The following FARSA variants were observed in gnomAD, a reference collection of about 807,000 sequenced individuals.
FARSA encodes the protein phenylalanyl-tRNA synthetase subunit alpha, also known as phenylalanine--tRNA ligase alpha subunit.
Under a neutral mutation model 63.2 loss-of-function variants are expected in FARSA, and 37 were observed. The ratio of observed to expected loss-of-function variants is 0.59; its 90% confidence interval spans 0.45 to 0.77. The LOEUF (loss-of-function observed/expected upper bound fraction) is 0.77, where lower values mean the gene tolerates loss of function less well. Ranked by LOEUF, FARSA falls within the 30% of genes least tolerant of loss-of-function variation. The pLI is 0.00. For missense variants in FARSA, 618 were observed against 696.6 expected, an observed-to-expected ratio of 0.89 and a Z score of 1.27; for synonymous variants, 312 against 285.1, an observed-to-expected ratio of 1.09 and a Z score of -0.95.
rs1050369889 is a variant in FARSA at position 12,927,503 on chromosome 19, C to T, written c.841+839G>A. On this transcript the variant is annotated intron_variant, in intron 7 of 12. Coordinates refer to ENST00000314606, the MANE Select transcript of FARSA (RefSeq NM_004461.3). ...ATCCTAGCACTTTGGGAGGCTGAGG[C>T]GGGAGTATCACTTGAGGTCAGGAGT... Among the ~76,000 whole-genome samples, 11 of 152,084 alleles carry T rather than the reference C, an allele frequency of 7.2e-5. 1 individual carries two copies. Among genetic ancestry groups the T allele is most frequent in the East Asian group, 3.9e-4 (2 of 5,162 alleles).
rs1446639467 is a variant in FARSA at position 12,933,679 on chromosome 19, C to G, written c.18G>C (p.Val6=). ...CCAGCCGCCGGAGCAGCAGTTCCGCCACCTGACCATCCGCCATGACTCCTT... is the reference window on the plus strand; with the variant it reads ...CCAGCCGCCGGAGCAGCAGTTCCGCGACCTGACCATCCGCCATGACTCCTT... MADGQ[V]AELLLRRLEA... is the part of the protein sequence containing the mutation. The change falls in exon 1 of 13, where the codon GTG becomes GTC. Residue 6 remains valine (V), a synonymous_variant. Coordinates refer to ENST00000314606, the MANE Select transcript of FARSA (RefSeq NM_004461.3). The G allele has an allele frequency of 1.3e-6, 2 of 1,570,820 alleles. No individual in the cohort carries two copies. The highest frequency in any genetic ancestry group is 1.7e-6 in the Non-Finnish European group (2 of 1,162,434).
chr19:12,928,423 T>C lies in FARSA; in HGVS notation c.760A>G (p.Ser254Gly). The change falls in exon 7 of 13, where the codon AGC (serine) becomes GGC (glycine). Residue 254 changes from serine to glycine, a missense_variant. Ser to Gly is a moderately conservative substitution (Grantham distance 56). Transcript: ENST00000314606. The part of the protein sequence containing the change: ...TEMPTDNFIE[S>G]SFWNFDALFQ... ...AGGGCGTCAAAGTTCCAGAAGGAGCTCTCAATGAAGTTATCAGTCGGCATC... is the reference window on the plus strand; with the variant it reads ...AGGGCGTCAAAGTTCCAGAAGGAGCCCTCAATGAAGTTATCAGTCGGCATC... 6.2e-7 allele frequency: 1 copy of C among 1,613,736 alleles called. No homozygotes were observed. Among genetic ancestry groups the C allele is most frequent in the Non-Finnish European group, 8.5e-7 (1 of 1,179,954 alleles).
chr19:12,924,282 GAA>G lies in FARSA; in HGVS notation c.1274-19_1274-18del. The G allele has an allele frequency of 6.2e-7, 1 of 1,607,854 alleles. No individual in the cohort carries two copies. The highest frequency in any genetic ancestry group is 1.1e-5 in the South Asian group (1 of 90,962). Reference sequence around the variant, plus strand: ...TCTTCAGGCCTGCAGAGGCAGGACAGAAAAGACGGGCAGTGCGTGTTGAGTTT... The same window carrying G: ...TCTTCAGGCCTGCAGAGGCAGGACAGAAGACGGGCAGTGCGTGTTGAGTTT... On this transcript the variant is annotated intron_variant, in intron 11 of 12. Transcript: ENST00000314606. This position sits in a 1 kb window ranked among gnomAD's most constrained non-coding sequence, Gnocchi z 6.4.
In FARSA at chr19:12,922,905, G is replaced by C; in HGVS notation, c.1389-19C>G. The C allele has an allele frequency of 6.2e-7, 1 of 1,614,006 alleles. No individual in the cohort carries two copies. The highest frequency in any genetic ancestry group is 8.5e-7 in the Non-Finnish European group (1 of 1,179,954). On this transcript the variant is annotated intron_variant, in intron 12 of 12. Coordinates refer to ENST00000314606, the MANE Select transcript of FARSA (RefSeq NM_004461.3). ...CGTTGGGCTTGTGGGGGAGGGAACA[G>C]AGTTTATCATGAGGTCAGCACGTGC...
rs373455085 is a variant in FARSA, at chr19:12,933,663, G to A, written c.34C>T (p.Arg12Trp). The A allele has an allele frequency of 7.0e-6, 11 of 1,570,288 alleles. No individual in the cohort carries two copies. The African/African-American group carries it at 1.1e-4, about 15-fold the overall frequency. ...CCGCCATCAGACGCCTCCAGCCGCCGGAGCAGCAGTTCCGCCACCTGACCA... is the reference window on the plus strand; with the variant it reads ...CCGCCATCAGACGCCTCCAGCCGCCAGAGCAGCAGTTCCGCCACCTGACCA... ...ADGQVAELLL[R>W]RLEASDGGLD... Residue 12 changes from arginine to tryptophan, a missense_variant, in exon 1 of 13, where the codon CGG becomes TGG. Physicochemically the swap from Arg to Trp is moderately radical, Grantham distance 101. Transcript: ENST00000314606.
chr19:12,928,286 C>T (rs769954623), intron 7 of FARSA, 56 bp downstream of exon 7: 11 of 1,415,304 alleles, frequency 7.8e-6, no homozygotes, highest in African/African-American at 1.4e-5. Flanking sequence ...CCTGTAAAGG[C>T]TCCGCCGTGG....
chr19:12,924,687 T>C lies in FARSA; in HGVS notation c.1147A>G (p.Thr383Ala). The change falls in exon 10 of 13, where the codon ACC becomes GCC. Residue 383 changes from threonine (T) to alanine (A), a missense_variant. Thr to Ala is a moderately conservative substitution (Grantham distance 58). Transcript: ENST00000314606. The surrounding 1 kb of genome is among the most constrained non-coding windows in gnomAD (Gnocchi z 6.4). ...AGAACGCCCATGAGGTGGCCCAAGG[T>C]GAGACCATGATCCGCCACCACGCCC... ...IEGVVADHGL[T>A]LGHLMGVLRE... is the part of the protein sequence containing the mutation. The C allele has an allele frequency of 6.3e-7, 1 of 1,592,194 alleles. No individual in the cohort carries two copies. Among genetic ancestry groups the C allele is most frequent in the Non-Finnish European group, 8.6e-7 (1 of 1,166,764 alleles).
Position 12,922,590 on chromosome 19 carries a change from C to T in FARSA, c.*158G>A, listed in dbSNP as rs528447648. The T allele has an allele frequency of 6.7e-5, 59 of 880,414 alleles. No homozygotes were observed. In the African/African-American group the frequency reaches 6.7e-4, roughly 10 times the overall value. 54.5% of individuals were successfully genotyped at this position (880,414 alleles called of 1,614,324 possible). A position where few individuals can be genotyped will look rare whatever the true frequency, so the allele number is the denominator to read the frequency against. ...CAACAGAAGGAACCTGCTACCCAGT[C>T]CTCTGTCCCTGGGATTCTGGTCCTG... On this transcript the variant is annotated 3_prime_UTR_variant, in exon 13 of 13. Coordinates refer to ENST00000314606, the MANE Select transcript of FARSA (RefSeq NM_004461.3).
chr19:12,931,532 A>C (rs1971395771), intron 1 of FARSA, among the ~76,000 whole-genome samples: 1 of 152,126 alleles, frequency 6.6e-6, no homozygotes, highest in African/African-American at 2.4e-5. Context: ...AAGTGCTAGG[A>C]TTACAGGCGT....
Position 12,933,688 on chromosome 19 carries a change from A to C in FARSA, c.9T>G (p.Asp3Glu). 6.4e-7 allele frequency: 1 copy of C among 1,569,164 alleles called. No homozygotes were observed. Among genetic ancestry groups the C allele is most frequent in the Non-Finnish European group, 8.6e-7 (1 of 1,161,670 alleles). Reference sequence around the variant, plus strand: ...GGAGCAGCAGTTCCGCCACCTGACCATCCGCCATGACTCCTTCCAGTGTGC... The same window carrying C: ...GGAGCAGCAGTTCCGCCACCTGACCCTCCGCCATGACTCCTTCCAGTGTGC... The part of the protein sequence containing the change: MA[D>E]GQVAELLLRR... The change falls in exon 1 of 13, where the codon GAT (aspartate) becomes GAG (glutamate). Residue 3 changes from aspartate to glutamate, a missense_variant. Coordinates refer to ENST00000314606, the MANE Select transcript of FARSA (RefSeq NM_004461.3).
At chr19:12,931,199 G>A (rs1048862108) in intron 1 of FARSA, among the ~76,000 whole-genome samples, 7 of 152,124 alleles carry the variant, frequency 4.6e-5, no homozygotes, top group Non-Finnish European at 8.8e-5. Flanking sequence ...GGGCTCAAGC[G>A]ATCCTTCCGC....
rs751217008 is a variant in FARSA at position 12,924,241 on chromosome 19, C to A, written c.1298G>T (p.Gly433Val). ...CTCTGGACGGAAGACCCCCGAGTTTCCGACCTCCACCCACTTCTTCAGGCC... is the reference window on the plus strand; with the variant it reads ...CTCTGGACGGAAGACCCCCGAGTTTACGACCTCCACCCACTTCTTCAGGCC... ...HQGLKKWVEV[G>V]NSGVFRPEML... The change falls in exon 12 of 13, where the codon GGA (glycine) becomes GTA (valine). Residue 433 changes from glycine to valine, a missense_variant. Physicochemically the swap from Gly to Val is moderately radical, Grantham distance 109. Coordinates refer to ENST00000314606, the MANE Select transcript of FARSA (RefSeq NM_004461.3). This position sits in a 1 kb window ranked among gnomAD's most constrained non-coding sequence, Gnocchi z 6.4. 1 of 1,614,162 alleles carries A rather than the reference C, an allele frequency of 6.2e-7. No individual in the cohort carries two copies. The highest frequency in any genetic ancestry group is 8.5e-7 in the Non-Finnish European group (1 of 1,180,036).
At chr19:12,925,850 T>G (rs1421529786) in intron 7 of FARSA, among the ~76,000 whole-genome samples, 1 of 152,048 alleles carries the variant, frequency 6.6e-6, no homozygotes, top group Non-Finnish European at 1.5e-5. Flanking sequence ...ATTTTTTATA[T>G]TTGGTAGACG....
chr19:12,929,811 C>T (rs1482884198), intron 4 of FARSA, among the ~76,000 whole-genome samples: 1 of 152,154 alleles, frequency 6.6e-6, no homozygotes, highest in East Asian at 1.9e-4. Flanking sequence ...GAGGACGGCC[C>T]CTAGCCCATC....
At chr19:12,926,477 G>A (rs1340269098) in intron 7 of FARSA, among the ~76,000 whole-genome samples, 2 of 150,638 alleles carry the variant, frequency 1.3e-5, no homozygotes, top group Non-Finnish European at 3.0e-5. Context: ...GTTTCACTGT[G>A]TTATCCAGGA....
rs1024190533 is a variant in FARSA, at chr19:12,924,879, G to A, written c.1026+25C>T. On this transcript the variant is annotated intron_variant, in intron 9 of 12. Coordinates refer to ENST00000314606, the MANE Select transcript of FARSA (RefSeq NM_004461.3). This position sits in a 1 kb window ranked among gnomAD's most constrained non-coding sequence, Gnocchi z 6.4. Reference sequence around the variant, plus strand: ...CTTTGACAGCACCCTCTCCCCACTGGGGCCCCCGCCTGGGCCAACCGCACC... The same window carrying A: ...CTTTGACAGCACCCTCTCCCCACTGAGGCCCCCGCCTGGGCCAACCGCACC... The A allele has an allele frequency of 5.6e-6, 9 of 1,613,934 alleles. No homozygotes were observed. In the Admixed American group the frequency reaches 1.0e-4, roughly 18 times the overall value.
Position 12,930,683 on chromosome 19 carries a change from G to A in FARSA, c.214C>T (p.Arg72Trp), listed in dbSNP as rs749068256. The A allele has an allele frequency of 1.5e-5, 25 of 1,613,508 alleles. No individual in the cohort carries two copies. The highest frequency in any genetic ancestry group is 4.4e-5 in the South Asian group (4 of 91,086). The change falls in exon 2 of 13, where the codon CGG (arginine) becomes TGG (tryptophan). Residue 72 changes from arginine (R) to tryptophan (W), a missense_variant. Physicochemically the swap from Arg to Trp is moderately radical, Grantham distance 101. Coordinates refer to ENST00000314606, the MANE Select transcript of FARSA (RefSeq NM_004461.3). ...ELTAEGEEIA[R>W]EGSHEARVFR... ...ACACGGGCCTCATGGCTGCCCTCCC[G>A]GGCAATCTCCTCGCCCTCCGCAGTA...
intron 1 of FARSA, 108 bp downstream of exon 1, chr19:12,933,442 G>A: frequency 7.4e-7 from 1 of 1,353,486 alleles, no homozygotes; most frequent in South Asian, 1.4e-5. Flanking sequence ...CACATATACA[G>A]CTACCCCAAA....
In FARSA at chr19:12,924,422, C is replaced by T. The variant is rs376480194; in HGVS notation, c.1273+27G>A. 8.1e-5 allele frequency: 130 copies of T among 1,609,658 alleles called. No homozygotes were observed. The highest frequency in any genetic ancestry group is 1.1e-4 in the Non-Finnish European group (126 of 1,177,736). ...CCATAGTAGCCTGAGACCTCCCTCC[C>T]ACCCCAGTACCAGGGCCTACCCTGA... On this transcript the variant is annotated intron_variant, in intron 11 of 12. Transcript: ENST00000314606. This position sits in a 1 kb window ranked among gnomAD's most constrained non-coding sequence, Gnocchi z 6.4.
Sources: allele counts gnomAD v4.1 joint callset (sites outside exome capture counted in the v4.1 genomes callset), GRCh38; gene constraint gnomAD v4.1.1; non-coding constraint Gnocchi (gnomAD v3.1); transcripts MANE v1.5; gene names NCBI Gene and HGNC (gene_info 2026-07-23, HGNC 2026-07-21).